PDSS2: variants seen among roughly 807,000 people sequenced by gnomAD.
PDSS2 encodes the protein decaprenyl diphosphate synthase subunit 2.
A neutral mutation model predicts 44.5 loss-of-function variants in PDSS2; 31 were observed. The ratio of observed to expected loss-of-function variants is 0.70; its 90% CI spans 0.52 to 0.94. The LOEUF (loss-of-function observed/expected upper bound fraction) is 0.94, where lower values mean the gene tolerates loss of function less well. Ranked by LOEUF, PDSS2 falls within the 40% of genes least tolerant of loss-of-function variation. PDSS2 has a pLI of 0.00. For missense variants in PDSS2, 452 were observed against 482.2 expected, an observed-to-expected ratio of 0.94 and a Z score of 0.59; for synonymous variants, 157 against 180.3, an observed-to-expected ratio of 0.87 and a Z score of 1.03.
chr6:107,159,713 G>A (rs952949797), intron 7 of PDSS2, among the ~76,000 whole-genome samples: 1 of 151,622 alleles, frequency 6.6e-6, no homozygotes, highest in African/African-American at 2.4e-5. Context: ...CCACTGCGCT[G>A]GGCCAAGCTC....
At chr6:107,421,717 A>G (rs866691385) in intron 1 of PDSS2, among the ~76,000 whole-genome samples, 8 of 151,750 alleles carry the variant, frequency 5.3e-5, no homozygotes, top group Middle Eastern at 3.4e-3. Flanking sequence ...TCAAAGTGCA[A>G]CACCAGGAAT....
At chr6:107,203,735 G>A (rs1202430776) in intron 6 of PDSS2, among the ~76,000 whole-genome samples, 1 of 151,958 alleles carries the variant, frequency 6.6e-6, no homozygotes, top group Non-Finnish European at 1.5e-5. Flanking sequence ...ACAATGTTAT[G>A]CAATCATCAC....
chr6:107,299,146 C>CCA (rs755359087), intron 2 of PDSS2, among the ~76,000 whole-genome samples: 5 of 53,476 alleles, frequency 9.3e-5, no homozygotes, highest in African/African-American at 4.2e-4. Flanking sequence ...GACCCTGTCT[C>CCA]AAAAAAAAAA....
At chr6:107,287,935 C>T (rs991290876) in intron 2 of PDSS2, among the ~76,000 whole-genome samples, 4 of 152,152 alleles carry the variant, frequency 2.6e-5, no homozygotes, top group African/African-American at 9.7e-5. Flanking sequence ...TTCAAGGTTG[C>T]AGGGAGCTAG....
chr6:107,183,111 C>A (rs1217097187), intron 7 of PDSS2, among the ~76,000 whole-genome samples: 1 of 151,488 alleles, frequency 6.6e-6, no homozygotes, highest in African/African-American at 2.4e-5. Flanking sequence ...ACTTGCAAAG[C>A]TGAGGTGGGA....
chr6:107,309,779 C>T (rs1322565436), intron 2 of PDSS2, among the ~76,000 whole-genome samples: 1 of 152,202 alleles, frequency 6.6e-6, no homozygotes, highest in Non-Finnish European at 1.5e-5. Context: ...TGTTACATGG[C>T]ACTACCCATA....
intron 2 of PDSS2, among the ~76,000 whole-genome samples, chr6:107,283,136 T>C (rs1052721205): frequency 5.3e-5 from 8 of 150,208 alleles, no homozygotes; most frequent in African/African-American, 1.7e-4. Context: ...CTGGGCAACA[T>C]AGGGAGACCT....
rs58692732 is a variant in PDSS2, at chr6:107,284,578, T to C, written c.432-10351A>G. On this transcript the variant is annotated intron_variant, in intron 2 of 7. Transcript: ENST00000369037. ...CAGGAGGCTGAGGCAGGAGAATCAC[T>C]TGAACCCGGGAGGAGGAGGTTACAG... is the stretch of plus-strand genomic sequence containing the variant. 7.9e-3 allele frequency among the ~76,000 whole-genome samples: 1,194 copies of C among 151,676 alleles called. 11 individuals are homozygous for C. The highest frequency in any genetic ancestry group is 0.028 in the African/African-American group (1,162 of 41,308).
chr6:107,429,937 T>TATATATATATATATATATAC (rs1316596170), intron 1 of PDSS2, among the ~76,000 whole-genome samples: 5 of 99,650 alleles, frequency 5.0e-5, no homozygotes, highest in African/African-American at 1.5e-4. Context: ...TATATATATA[T>TATATATATATATATATATAC]ACACCAAACC....
intron 1 of PDSS2, among the ~76,000 whole-genome samples, chr6:107,426,173 G>T (rs750075959): frequency 6.6e-6 from 1 of 152,126 alleles, no homozygotes; most frequent in African/African-American, 2.4e-5. Flanking sequence ...GGGTCCCTCC[G>T]CTGTGTAGTC....
At chr6:107,455,250 T>C (rs1030760125) in intron 1 of PDSS2, among the ~76,000 whole-genome samples, 1 of 149,092 alleles carries the variant, frequency 6.7e-6, no homozygotes, top group African/African-American at 2.5e-5. Flanking sequence ...TGAAGAGATC[T>C]TCTCCAAACC....
chr6:107,281,442 A>G (rs1231449790), intron 2 of PDSS2, among the ~76,000 whole-genome samples: 1 of 152,190 alleles, frequency 6.6e-6, no homozygotes, highest in Non-Finnish European at 1.5e-5. Context: ...AGTTATAGTC[A>G]ATAAAAATTG....
intron 2 of PDSS2, among the ~76,000 whole-genome samples, chr6:107,285,119 C>T (rs1776097916): frequency 6.6e-6 from 1 of 152,166 alleles, no homozygotes; most frequent in South Asian, 2.1e-4. Context: ...CCAAACACAA[C>T]ATGTGCAAAT....
intron 1 of PDSS2, among the ~76,000 whole-genome samples, chr6:107,373,128 C>T (rs1274753018): frequency 6.6e-5 from 10 of 151,846 alleles, no homozygotes; most frequent in African/African-American, 2.4e-4. Context: ...GGACTACAGG[C>T]GTGTGCCACC....
rs538427049 is a variant in PDSS2 at position 107,458,492 on chromosome 6, C to T, written c.296+498G>A. Among the ~76,000 whole-genome samples, 4 of 148,668 alleles carry T rather than the reference C, an allele frequency of 2.7e-5. No individual in the cohort carries two copies. In the East Asian group the frequency reaches 5.8e-4, roughly 22 times the overall value. On this transcript the variant is annotated intron_variant, in intron 1 of 7. Transcript: ENST00000369037. Reference sequence around the variant, plus strand: ...TAGTACAGCATAAGTGATAAACATCCCAAGAAGATAATGACTACTAACGGG... The same window carrying T: ...TAGTACAGCATAAGTGATAAACATCTCAAGAAGATAATGACTACTAACGGG...
rs1464954347 is a variant in PDSS2 at position 107,379,220 on chromosome 6, T to C, written c.297-44888A>G. 2.6e-5 allele frequency among the ~76,000 whole-genome samples: 4 copies of C among 152,258 alleles called. No individual in the cohort carries two copies. In the East Asian group the frequency reaches 7.7e-4, roughly 29 times the overall value. On this transcript the variant is annotated intron_variant, in intron 1 of 7. Coordinates refer to ENST00000369037, the MANE Select transcript of PDSS2 (RefSeq NM_020381.4). ...GGATATTTATAGTATGCTTTGAGTA[T>C]TTAAAACTTATAAAATAATATCTGG... is the stretch of plus-strand genomic sequence containing the variant.
At chr6:107,394,397 G>A (rs1779877455) in intron 1 of PDSS2, among the ~76,000 whole-genome samples, 1 of 152,166 alleles carries the variant, frequency 6.6e-6, no homozygotes, top group Admixed American at 6.6e-5. Flanking sequence ...ATGGCAGAAG[G>A]CAAAGCAGGA....
intron 2 of PDSS2, among the ~76,000 whole-genome samples, chr6:107,285,667 A>G (rs1404398623): frequency 6.6e-6 from 1 of 152,200 alleles, no homozygotes; most frequent in Admixed American, 6.5e-5. Context: ...GCAATTGGCT[A>G]TCATTTATGA....
intron 7 of PDSS2, among the ~76,000 whole-genome samples, chr6:107,158,461 A>C (rs1770994587): frequency 6.6e-6 from 1 of 152,158 alleles, no homozygotes. Flanking sequence ...CTGGGGTTAC[A>C]GGCGTGAGCC....
Sources: allele counts gnomAD v4.1 joint callset (sites outside exome capture counted in the v4.1 genomes callset), GRCh38; gene constraint gnomAD v4.1.1; transcripts MANE v1.5; gene names NCBI Gene and HGNC (gene_info 2026-07-23, HGNC 2026-07-21).